Variants in ESYT1 observed in about 807,000 individuals in gnomAD.
ESYT1 encodes the protein extended synaptotagmin-1.
A neutral mutation model predicts 154.2 loss-of-function variants in ESYT1; 116 were observed. That is an observed-to-expected ratio of 0.75 (90% CI 0.65 to 0.88). The LOEUF is 0.88. Ranked by LOEUF, ESYT1 falls within the 40% of genes least tolerant of loss-of-function variation. ESYT1 has a pLI of 0.00. For synonymous variants in ESYT1, 500 were observed against 539.9 expected (o/e 0.93, Z 1.02); for missense variants, 1,264 against 1,379.3 (o/e 0.92, Z 1.32).
At position 56,134,191 on chromosome 12, in the gene ESYT1, A is replaced by G; in HGVS notation, c.1545+10A>G. 6.2e-7 allele frequency: 1 copy of G among 1,613,940 alleles called. No homozygotes were observed. ...GACTCAGGAGAGCAAGGTGAGGGCC[A>G]GGACATCATTGTGGGTGGCCAGGTA... On this transcript the variant is annotated intron_variant, in intron 14 of 30. Transcript: ENST00000394048.
Position 56,138,507 on chromosome 12 carries a change from C to A in ESYT1, c.2433+8C>A. On this transcript the variant is annotated splice_region_variant and intron_variant, in intron 22 of 30. Coordinates refer to ENST00000394048, the MANE Select transcript of ESYT1 (RefSeq NM_015292.3). The stretch of plus-strand genomic sequence containing the variant: ...CGGGCAGAGGACCTCCCGGTGAGAT[C>A]CCGCTCCCCATGCCCCATAACTTCC... 1 of 1,597,710 alleles carries A rather than the reference C, an allele frequency of 6.3e-7. No homozygotes were observed. Among genetic ancestry groups the A allele is most frequent in the Non-Finnish European group, 8.5e-7 (1 of 1,173,034 alleles).
In ESYT1 at chr12:56,138,175, T is replaced by A. The variant is rs753473699; in HGVS notation, c.2248-8T>A. On this transcript the variant is annotated splice_region_variant and splice_polypyrimidine_tract_variant and intron_variant, in intron 20 of 30. Transcript: ENST00000394048. ...ATCCCCAAGTCTTCACCCTGCCTAC[T>A]TCCACAGTGGCTGACCCTGGAGGAT... is the stretch of plus-strand genomic sequence containing the variant. The A allele has an allele frequency of 6.2e-6, 10 of 1,614,154 alleles. No individual in the cohort carries two copies. The highest frequency in any genetic ancestry group is 7.6e-6 in the Non-Finnish European group (9 of 1,179,974).
At chr12:56,141,756 A>G (rs1870707921) in intron 24 of ESYT1, among the ~76,000 whole-genome samples, 1 of 151,526 alleles carries the variant, frequency 6.6e-6, no homozygotes. Flanking sequence ...AATAATAATA[A>G]TTTCTGAAAG....
chr12:56,136,705 CT>C (rs1870471253), intron 15 of ESYT1, 38 bp from the exon 16 acceptor site: 34 of 1,543,084 alleles, frequency 2.2e-5, no homozygotes, highest in Non-Finnish European at 3.0e-5. Flanking sequence ...TCCCTTTCCC[CT>C]AATCCCTTCA....
At chr12:56,139,504 G>A (rs1870602739) in intron 24 of ESYT1, among the ~76,000 whole-genome samples, 1 of 151,998 alleles carries the variant, frequency 6.6e-6, no homozygotes. Flanking sequence ...TGAGGTAAAA[G>A]GCACTGTGGG....
In ESYT1 at chr12:56,133,596, T is replaced by G. The variant is rs1435603730; in HGVS notation, c.1302T>G (p.Pro434=). The G allele has an allele frequency of 6.2e-7, 1 of 1,614,212 alleles. No homozygotes were observed. The highest frequency in any genetic ancestry group is 1.1e-5 in the South Asian group (1 of 91,084). ...LQASVLDDWF[P]LQGGQGQVHL... ...ATCTCAATTTCTTCTAGTGGTTCCC[T>G]CTACAAGGTGGGCAAGGCCAAGTTC... The change falls in exon 12 of 31, where the codon CCT becomes CCG. Residue 434 remains proline (P), a synonymous_variant. Transcript: ENST00000394048.
At position 56,144,658 on chromosome 12, in the gene ESYT1, ACAT is replaced by A. The variant is rs1213777824; in HGVS notation, c.*800_*802del. On this transcript the variant is annotated 3_prime_UTR_variant, in exon 31 of 31. Coordinates refer to ENST00000394048, the MANE Select transcript of ESYT1 (RefSeq NM_015292.3). ...GCCAAGCCACTGGATCTTACATTAA[ACAT>A]CATACTCAAACCAGCTGTGGTTCTT... 4.1e-6 allele frequency: 4 copies of A among 985,322 alleles called. No individual in the cohort carries two copies. Among genetic ancestry groups the A allele is most frequent in the South Asian group, 4.7e-5 (1 of 21,292 alleles). The allele number at this position is 985,322 out of a possible 1,614,324, so 61.0% of individuals were successfully genotyped here.
chr12:56,142,642 C>T lies in ESYT1; in HGVS notation c.2798C>T (p.Ser933Leu), dbSNP rs531891775. 5.6e-6 allele frequency: 9 copies of T among 1,614,158 alleles called. No homozygotes were observed. The highest frequency in any genetic ancestry group is 1.7e-5 in the Admixed American group (1 of 60,026). ...CACAGCTACAGCCACAGCTCCTCATCGCTGAGTGAAGAACCAGAGCTCTCG... is the reference window on the plus strand; with the variant it reads ...CACAGCTACAGCCACAGCTCCTCATTGCTGAGTGAAGAACCAGAGCTCTCG... ...HSHSYSHSSSSLSEEPELSGG... is the reference protein window; with the variant it reads ...HSHSYSHSSSLLSEEPELSGG... The change falls in exon 26 of 31, where the codon TCG becomes TTG. Residue 933 changes from serine (S) to leucine (L), a missense_variant. By Grantham distance (145) the Ser-to-Leu change is moderately radical. Transcript: ENST00000394048. This position sits in a 1 kb window ranked among gnomAD's most constrained non-coding sequence, Gnocchi z 4.1.
intron 10 of ESYT1, 99 bp from the exon 11 acceptor site, chr12:56,133,318 G>C: frequency 7.7e-7 from 1 of 1,301,290 alleles, no homozygotes. Flanking sequence ...AGATCTGCCA[G>C]TCATTTCTGG....
Position 56,143,828 on chromosome 12 carries a change from A to C in ESYT1, c.3281A>C (p.Asp1094Ala), listed in dbSNP as rs1189926145. ...CATGAGCCCTCTTTTCACAGGTATGACCTGATGGACAACAAGGACAAGGGC... is the reference window on the plus strand; with the variant it reads ...CATGAGCCCTCTTTTCACAGGTATGCCCTGATGGACAACAAGGACAAGGGC... ...DLSQGVARWY[D>A]LMDNKDKGSS The change falls in exon 31 of 31, where the codon GAC becomes GCC. Residue 1094 changes from aspartate (D) to alanine (A), a missense_variant. Transcript: ENST00000394048. 1.2e-5 allele frequency: 20 copies of C among 1,614,080 alleles called. No homozygotes were observed. Among genetic ancestry groups the C allele is most frequent in the Non-Finnish European group, 1.7e-5 (20 of 1,179,964 alleles).
Position 56,132,282 on chromosome 12 carries a change from C to T in ESYT1, c.934C>T (p.Leu312Phe). Residue 312 changes from leucine (L) to phenylalanine (F), a missense_variant, in exon 8 of 31, where the codon CTT (leucine) becomes TTT (phenylalanine). Leu to Phe is a conservative substitution (Grantham distance 22). Coordinates refer to ENST00000394048, the MANE Select transcript of ESYT1 (RefSeq NM_015292.3). ...GTTGCCCAACCGATTACTGGTGCCC[C>T]TTGTGCCTGACCTTCAAGATGTGGC... Reference protein sequence around the residue: ...LVLPNRLLVPLVPDLQDVAQL... With the variant: ...LVLPNRLLVPFVPDLQDVAQL... 1 of 1,614,152 alleles carries T rather than the reference C, an allele frequency of 6.2e-7. No individual in the cohort carries two copies. Among genetic ancestry groups the T allele is most frequent in the South Asian group, 1.1e-5 (1 of 91,088 alleles).
intron 6 of ESYT1, 44 bp from the exon 7 acceptor site, chr12:56,131,705 C>T: frequency 6.2e-7 from 1 of 1,612,858 alleles, no homozygotes; most frequent in Non-Finnish European, 8.5e-7. Flanking sequence ...TGGGTATGAC[C>T]ACACCCCATA....
Position 56,137,629 on chromosome 12 carries a change from A to G in ESYT1, c.2069A>G (p.His690Arg), listed in dbSNP as rs758933557. The change falls in exon 18 of 31, where the codon CAT becomes CGT. Residue 690 changes from histidine (H) to arginine (R), a missense_variant. By Grantham distance (29) the His-to-Arg change is conservative. Transcript: ENST00000394048. ...LKLAGRSFRS[H>R]VVREDLNPRW... ...TTGGCAGGACGAAGCTTCCGGAGCC[A>G]TGTTGTTCGGGAAGATCTCAATCCC... is the stretch of plus-strand genomic sequence containing the variant. 5.0e-6 allele frequency: 8 copies of G among 1,614,070 alleles called. No homozygotes were observed. The highest frequency in any genetic ancestry group is 1.3e-5 in the African/African-American group (1 of 74,904).
Position 56,131,108 on chromosome 12 carries a change from C to T in ESYT1, c.636C>T (p.Asn212=). Residue 212 remains asparagine (N), a synonymous_variant, in exon 4 of 31, where the codon AAC becomes AAT. Coordinates refer to ENST00000394048, the MANE Select transcript of ESYT1 (RefSeq NM_015292.3). ...QRKEQILLDL[N]ISYVGDVQID... is the part of the protein sequence containing the mutation. ...AAGAGCAGATCCTGCTGGACTTGAA[C>T]ATCAGGTAATACCACTCACCACTCT... is the stretch of plus-strand genomic sequence containing the variant. 4 of 1,614,160 alleles carry T rather than the reference C, an allele frequency of 2.5e-6. No individual in the cohort carries two copies. Among genetic ancestry groups the T allele is most frequent in the East Asian group, 4.5e-5 (2 of 44,886 alleles).
rs781525876 is a variant in ESYT1, at chr12:56,137,494, T to G, written c.1939-5T>G. 9.9e-5 allele frequency: 159 copies of G among 1,611,268 alleles called. No individual in the cohort carries two copies. The highest frequency in any genetic ancestry group is 1.3e-4 in the Non-Finnish European group (158 of 1,178,034). On this transcript the variant is annotated splice_region_variant and splice_polypyrimidine_tract_variant and intron_variant, in intron 17 of 30. Transcript: ENST00000394048. ...CCATCTGGCACCCCCCCGTCCCTTT[T>G]GCAGCATGTGCTTCGGATCCATGTA...
Position 56,132,324 on chromosome 12 carries a change from C to T in ESYT1, c.976C>T (p.Leu326=). Residue 326 remains leucine, a synonymous_variant, in exon 8 of 31, where the codon CTG becomes TTG. Transcript: ENST00000394048. The part of the protein sequence containing the change: ...LQDVAQLRSP[L]PRGIIRIHLL... The stretch of plus-strand genomic sequence containing the variant: ...AGATGTGGCTCAGTTGCGTTCCCCT[C>T]TGCCCAGGGTATGGCCTTTCCCCCA... 1.2e-6 allele frequency: 2 copies of T among 1,614,158 alleles called. No individual in the cohort carries two copies. Among genetic ancestry groups the T allele is most frequent in the Non-Finnish European group, 1.7e-6 (2 of 1,180,028 alleles).
rs1410083747 is a variant in ESYT1, at chr12:56,138,169, G to A, written c.2248-14G>A. On this transcript the variant is annotated splice_polypyrimidine_tract_variant and intron_variant, in intron 20 of 30. Transcript: ENST00000394048. ...CTGCATATCCCCAAGTCTTCACCCT[G>A]CCTACTTCCACAGTGGCTGACCCTG... 4 of 1,613,990 alleles carry A rather than the reference G, an allele frequency of 2.5e-6. No individual in the cohort carries two copies. In the African/African-American group the frequency reaches 4.0e-5, roughly 16 times the overall value.
At chr12:56,134,601 ATT>A (rs1204339908) in intron 15 of ESYT1, among the ~76,000 whole-genome samples, 173 bp downstream of exon 15, 9 of 143,140 alleles carry the variant, frequency 6.3e-5, no homozygotes, top group Admixed American at 1.4e-4. Context: ...CCAGAATAAT[ATT>A]TTTTTTTTTT....
chr12:56,132,988 G>T (rs962565500), intron 10 of ESYT1, among the ~76,000 whole-genome samples, 187 bp downstream of exon 10: 3 of 151,828 alleles, frequency 2.0e-5, no homozygotes, highest in African/African-American at 7.3e-5. Flanking sequence ...GTGTGGTGGC[G>T]GGCGCCTGTA....
Sources: gnomAD v4.1 joint callset for allele counts (sites outside exome capture counted in the v4.1 genomes callset) on GRCh38, gnomAD v4.1.1 for gene constraint, Gnocchi (gnomAD v3.1) non-coding constraint, MANE v1.5 for transcripts, NCBI Gene and HGNC (gene_info 2026-07-23, HGNC 2026-07-21) for gene names.